Variants in ANKRD42 observed in about 807,000 individuals in gnomAD.
ANKRD42 encodes ankyrin repeat domain 42, also known as ankyrin repeat domain-containing protein 42.
Under a neutral mutation model 51.5 loss-of-function variants are expected in ANKRD42, and 43 were observed. That is an observed-to-expected ratio of 0.83 (90% CI 0.65 to 1.08). The LOEUF (loss-of-function observed/expected upper bound fraction) is 1.08, where lower values mean the gene tolerates loss of function less well. Ranked by LOEUF, ANKRD42 falls within the 50% of genes least tolerant of loss-of-function variation. The probability of loss-of-function intolerance (pLI) is 0.00; values close to 1 mark genes in which losing one functional copy is unlikely to be tolerated. For missense variants in ANKRD42, 608 were observed against 629.3 expected (o/e 0.97, Z 0.36); for synonymous variants, 203 against 213.0 (o/e 0.95, Z 0.41).
At chr11:83,239,259 A>C (rs964727980) in intron 8 of ANKRD42, among the ~76,000 whole-genome samples, 1 of 152,190 alleles carries the variant, frequency 6.6e-6, no homozygotes, top group African/African-American at 2.4e-5. Flanking sequence ...CACTTTAAAA[A>C]ATTGAATTGT....
intron 5 of ANKRD42, chr11:83,212,651 A>G: frequency 6.5e-7 from 1 of 1,535,852 alleles, no homozygotes; most frequent in Non-Finnish European, 8.7e-7. Flanking sequence ...TTTGCTATTT[A>G]GAACCTCCTT....
At chr11:83,215,379 A>G (rs1288387558) in intron 5 of ANKRD42, among the ~76,000 whole-genome samples, 2 of 151,992 alleles carry the variant, frequency 1.3e-5, no homozygotes, top group Non-Finnish European at 2.9e-5. Flanking sequence ...TAGGCAGCCT[A>G]TAGTTGGGTC....
chr11:83,259,394 T>C (rs563448648), downstream of ANKRD42: 1 of 152,310 alleles, frequency 6.6e-6, no homozygotes, highest in East Asian at 1.9e-4. Flanking sequence ...CAGGGTATGG[T>C]ATGCATATTT....
At chr11:83,207,152 G>A (rs1484045853) in intron 3 of ANKRD42, among the ~76,000 whole-genome samples, 1 of 152,190 alleles carries the variant, frequency 6.6e-6, no homozygotes, top group Non-Finnish European at 1.5e-5. Context: ...AAGGGGGAAA[G>A]CTTCTTATAA....
At chr11:83,206,845 G>A (rs929607385) in intron 3 of ANKRD42, among the ~76,000 whole-genome samples, 6 of 152,186 alleles carry the variant, frequency 3.9e-5, no homozygotes, top group Non-Finnish European at 7.3e-5. Context: ...CCTGACCAGG[G>A]TGACACATTA....
At chr11:83,196,851 T>C (rs1861677218) in intron 1 of ANKRD42, among the ~76,000 whole-genome samples, 1 of 152,196 alleles carries the variant, frequency 6.6e-6, no homozygotes, top group Non-Finnish European at 1.5e-5. Flanking sequence ...ATAGAGGTCA[T>C]ACTGAGAGTT....
downstream of ANKRD42, among the ~76,000 whole-genome samples, chr11:83,262,940 A>G (rs1001918457): frequency 3.3e-5 from 5 of 152,214 alleles, no homozygotes; most frequent in Admixed American, 3.3e-4. Flanking sequence ...CTATGCTACT[A>G]TGCTGAGCAA....
chr11:83,243,076 ACTT>A (rs529441086), intron 9 of ANKRD42, among the ~76,000 whole-genome samples: 6 of 152,172 alleles, frequency 3.9e-5, no homozygotes, highest in Admixed American at 6.5e-5. Flanking sequence ...TGGTTGAACT[ACTT>A]TACACTCCCA....
chr11:83,211,523 G>T, intron 5 of ANKRD42, 93 bp downstream of exon 5: 2 of 1,395,378 alleles, frequency 1.4e-6, no homozygotes, highest in Non-Finnish European at 2.0e-6. Flanking sequence ...TTGGTTGAGC[G>T]TGGTGGCTTA....
At chr11:83,198,787 C>T (rs1421971101) in intron 2 of ANKRD42, 145 bp downstream of exon 2, 1 of 664,960 alleles carries the variant, frequency 1.5e-6, no homozygotes, top group Non-Finnish European at 2.3e-6. Flanking sequence ...GGGTATTCCA[C>T]TTTGCTAGGG....
At chr11:83,245,312 G>A (rs551962643) in intron 9 of ANKRD42, among the ~76,000 whole-genome samples, 186 bp from the exon 10 acceptor site, 48 of 152,262 alleles carry the variant, frequency 3.2e-4, no homozygotes, top group African/African-American at 1.1e-3. Flanking sequence ...ATTCCATTGC[G>A]TGCTCATTTT....
chr11:83,230,402 C>T (rs1863031633), intron 7 of ANKRD42, among the ~76,000 whole-genome samples: 2 of 152,112 alleles, frequency 1.3e-5, no homozygotes, highest in Admixed American at 6.6e-5. Context: ...CTCCCTCTGA[C>T]TCCCCTACTA....
At chr11:83,258,753 T>C (rs180742542), downstream of ANKRD42, among the ~76,000 whole-genome samples, 1 of 152,282 alleles carries the variant, frequency 6.6e-6, no homozygotes, top group Admixed American at 6.5e-5. Flanking sequence ...AAAAAATACT[T>C]AAAAAATAAA....
chr11:83,259,884 A>G (rs187601920), downstream of ANKRD42: 15 of 152,382 alleles, frequency 9.8e-5, no homozygotes, highest in African/African-American at 3.1e-4. Context: ...TGAACTCTAG[A>G]ACTGGACAGA....
At chr11:83,256,324 C>CT (rs144221793), downstream of ANKRD42, among the ~76,000 whole-genome samples, 3,406 of 152,122 alleles carry the variant, frequency 0.022, 110 homozygotes, top group African/African-American at 0.077. Flanking sequence ...TAGAGAGTAC[C>CT]TTTCACTTCT....
chr11:83,224,521 T>C (rs1357237976), intron 5 of ANKRD42, among the ~76,000 whole-genome samples: 2 of 152,230 alleles, frequency 1.3e-5, no homozygotes, highest in Non-Finnish European at 2.9e-5. Flanking sequence ...GAAAAAGGTC[T>C]CTTCTCCGTG....
chr11:83,251,922 G>T (rs1399137619), downstream of ANKRD42, among the ~76,000 whole-genome samples: 2 of 152,140 alleles, frequency 1.3e-5, no homozygotes, highest in African/African-American at 4.8e-5. Context: ...ATTAAAATAA[G>T]ACTTCAGTTC....
At chr11:83,242,436 G>A (rs1863414277) in intron 9 of ANKRD42, among the ~76,000 whole-genome samples, 1 of 71,882 alleles carries the variant, frequency 1.4e-5, no homozygotes, top group Non-Finnish European at 2.8e-5. Flanking sequence ...GAGAAGTGGT[G>A]AGATTTGGTG....
At chr11:83,258,454 A>T (rs1248833921), downstream of ANKRD42, among the ~76,000 whole-genome samples, 1 of 152,144 alleles carries the variant, frequency 6.6e-6, no homozygotes, top group African/African-American at 2.4e-5. Flanking sequence ...TAGTATATTG[A>T]GTGACAGCAT....
Sources: gnomAD v4.1 joint callset for allele counts (sites outside exome capture counted in the v4.1 genomes callset) on GRCh38, gnomAD v4.1.1 for gene constraint, MANE v1.5 for transcripts, NCBI Gene and HGNC (gene_info 2026-07-23, HGNC 2026-07-21) for gene names.